Variants in RELN observed in about 807,000 individuals in gnomAD.
The protein encoded by RELN is reelin.
RELN carries 108 observed loss-of-function variants against 427.6 expected under a neutral mutation model. The observed-to-expected ratio is 0.25, with a 90% confidence interval of 0.22 to 0.30. The LOEUF (loss-of-function observed/expected upper bound fraction) is 0.30. RELN is among the 10% of genes least tolerant of loss of function. The probability of loss-of-function intolerance (pLI) is 1.00; values close to 1 mark genes in which losing one functional copy is unlikely to be tolerated. For missense variants in RELN, 3,715 were observed against 4,302.8 expected (o/e 0.86, Z 3.82); for synonymous variants, 1,524 against 1,513.4 (o/e 1.01, Z -0.16).
At chr7:103,552,437 C>T (rs912827592) in intron 40 of RELN, among the ~76,000 whole-genome samples, 8 of 149,720 alleles carry the variant, frequency 5.3e-5, no homozygotes, top group African/African-American at 2.0e-4. Flanking sequence ...CTTTTAACTT[C>T]TGATGAGTAA....
intron 13 of RELN, among the ~76,000 whole-genome samples, chr7:103,653,565 T>C (rs1184814140): frequency 1.3e-5 from 2 of 152,110 alleles, no homozygotes; most frequent in Admixed American, 1.3e-4. Context: ...AATTTTACAC[T>C]TTATGACGAG....
chr7:103,671,798 T>C (rs12705138), intron 11 of RELN, among the ~76,000 whole-genome samples: 86,352 of 151,920 alleles, frequency 0.57, 24,737 homozygotes, highest in South Asian at 0.65. Context: ...AAGATTTTAG[T>C]TACAATGTAT....
chr7:103,670,319 CCTTTTA>C (rs1833363373), intron 11 of RELN, among the ~76,000 whole-genome samples: 1 of 151,970 alleles, frequency 6.6e-6, no homozygotes, highest in Non-Finnish European at 1.5e-5. Context: ...TTTTCCTTTT[CCTTTTA>C]GGAACTTACC....
intron 64 of RELN, among the ~76,000 whole-genome samples, chr7:103,477,247 A>G (rs1428874231): frequency 6.6e-6 from 1 of 152,224 alleles, no homozygotes; most frequent in Admixed American, 6.5e-5. Context: ...GCTCTTTTGA[A>G]CTGTTACTCT....
chr7:103,808,835 CAGAAAAA>C (rs1031586065), intron 3 of RELN, among the ~76,000 whole-genome samples: 31 of 151,968 alleles, frequency 2.0e-4, no homozygotes, highest in African/African-American at 7.2e-4. Context: ...GGAGGCATTC[CAGAAAAA>C]AGAGAAAAGA....
intron 1 of RELN, among the ~76,000 whole-genome samples, chr7:103,958,471 C>A (rs1040085586): frequency 6.6e-6 from 1 of 152,114 alleles, no homozygotes. Context: ...TAGTTTTCTA[C>A]GACTCACTGT....
At chr7:103,773,185 T>TCC (rs1791630574) in intron 4 of RELN, among the ~76,000 whole-genome samples, 2 of 145,506 alleles carry the variant, frequency 1.4e-5, no homozygotes, top group East Asian at 2.1e-4. Context: ...TTTCCTTCTT[T>TCC]CTTTTCTTTC....
intron 5 of RELN, among the ~76,000 whole-genome samples, chr7:103,751,127 A>G (rs966701933): frequency 1.3e-5 from 2 of 152,210 alleles, no homozygotes; most frequent in Non-Finnish European, 2.9e-5. Context: ...TTGCTTAGGA[A>G]GTTTGTTCCA....
intron 3 of RELN, among the ~76,000 whole-genome samples, chr7:103,827,688 T>C (rs1793176303): frequency 6.6e-6 from 1 of 152,010 alleles, no homozygotes; most frequent in Non-Finnish European, 1.5e-5. Flanking sequence ...GGCTCCTAGC[T>C]GTTTACCTTT....
At chr7:103,493,020 C>T (rs1828719765) in intron 57 of RELN, among the ~76,000 whole-genome samples, 1 of 152,064 alleles carries the variant, frequency 6.6e-6, no homozygotes, top group Non-Finnish European at 1.5e-5. Context: ...GAAGCTGCAG[C>T]CTAAGGTGTT....
chr7:103,828,475 TTC>T (rs1429009116), intron 3 of RELN, among the ~76,000 whole-genome samples: 2 of 151,984 alleles, frequency 1.3e-5, no homozygotes, highest in African/African-American at 4.8e-5. Context: ...TTGGTTTTCA[TTC>T]TGTTTTCAGT....
At chr7:103,851,676 TC>T (rs1793825449) in intron 2 of RELN, among the ~76,000 whole-genome samples, 1 of 152,180 alleles carries the variant, frequency 6.6e-6, no homozygotes, top group African/African-American at 2.4e-5. Context: ...CTGCCACTCT[TC>T]AGTCAACTTC....
At chr7:103,653,297 T>C (rs1832960945) in intron 13 of RELN, among the ~76,000 whole-genome samples, 1 of 152,102 alleles carries the variant, frequency 6.6e-6, no homozygotes, top group Non-Finnish European at 1.5e-5. Context: ...GCTGGAAATA[T>C]CGTCTTTTAT....
intron 4 of RELN, among the ~76,000 whole-genome samples, chr7:103,767,679 T>A (rs1181083755): frequency 1.3e-5 from 2 of 152,214 alleles, no homozygotes; most frequent in Non-Finnish European, 2.9e-5. Context: ...TATTCTGATA[T>A]TTTGTCTATT....
chr7:103,479,296 C>T (rs1828146055), intron 63 of RELN, among the ~76,000 whole-genome samples: 1 of 152,170 alleles, frequency 6.6e-6, no homozygotes. Context: ...GGGATCTGCC[C>T]AGTGTATTCA....
chr7:103,779,811 A>T (rs262349), intron 3 of RELN, among the ~76,000 whole-genome samples: 117,891 of 152,098 alleles, frequency 0.78, 45,840 homozygotes, highest in South Asian at 0.86. Flanking sequence ...CGCTGCAACC[A>T]CCACCTCCCA....
intron 49 of RELN, among the ~76,000 whole-genome samples, chr7:103,518,038 C>T (rs917829653): frequency 3.3e-5 from 5 of 152,098 alleles, no homozygotes; most frequent in Admixed American, 3.3e-4. Flanking sequence ...CCTTTTGGAC[C>T]ATGAGATGAA....
At chr7:103,739,780 G>A (rs939739642) in intron 6 of RELN, among the ~76,000 whole-genome samples, 4 of 152,202 alleles carry the variant, frequency 2.6e-5, no homozygotes, top group African/African-American at 7.2e-5. Flanking sequence ...GAGAGATCTA[G>A]GAGGCAAAGA....
At chr7:103,588,002 AAAT>A (rs553698406) in intron 28 of RELN, among the ~76,000 whole-genome samples, 69 of 152,268 alleles carry the variant, frequency 4.5e-4, no homozygotes, top group African/African-American at 1.7e-3. Flanking sequence ...ACTAAAAATA[AAAT>A]TACCATATGA....
Sources: allele counts gnomAD v4.1 joint callset (sites outside exome capture counted in the v4.1 genomes callset), GRCh38; gene constraint gnomAD v4.1.1; transcripts MANE v1.5; gene names NCBI Gene and HGNC (gene_info 2026-07-23, HGNC 2026-07-21).